CUX1: variants seen among roughly 807,000 people sequenced by gnomAD.
CUX1 encodes the protein cut like homeobox 1.
In CUX1, 31 loss-of-function variants were observed where a neutral mutation model predicts 158.8. That is an observed-to-expected ratio of 0.20 (90% CI 0.15 to 0.26). CUX1 has a LOEUF of 0.26. CUX1 is among the 10% of genes least tolerant of loss of function. The pLI is 1.00. For missense variants in CUX1, 1,589 were observed against 2,014.6 expected, an observed-to-expected ratio of 0.79 and a Z score of 4.04; for synonymous variants, 879 against 862.1, an observed-to-expected ratio of 1.02 and a Z score of -0.34.
At chr7:102,096,892 C>T (rs879966602) in intron 4 of CUX1, among the ~76,000 whole-genome samples, 4 of 152,136 alleles carry the variant, frequency 2.6e-5, no homozygotes, top group Non-Finnish European at 5.9e-5. Context: ...TAAAGTGTCC[C>T]GTGAACTGTG....
At chr7:102,097,530 T>C in intron 5 of CUX1, 29 bp downstream of exon 5, 1 of 1,510,598 alleles carries the variant, frequency 6.6e-7, no homozygotes, top group Non-Finnish European at 8.8e-7. Flanking sequence ...CTTTGCTTTT[T>C]CTTTTCTTCT....
chr7:102,262,639 T>TGGCC (rs1790490705), downstream of CUX1, among the ~76,000 whole-genome samples: 1 of 152,110 alleles, frequency 6.6e-6, no homozygotes, highest in Non-Finnish European at 1.5e-5. Context: ...CTAACACACA[T>TGGCC]GGCCTCTGGG....
chr7:102,006,367 C>T (rs1817378740), intron 2 of CUX1, among the ~76,000 whole-genome samples: 1 of 152,162 alleles, frequency 6.6e-6, no homozygotes, highest in Non-Finnish European at 1.5e-5. Flanking sequence ...GTTTTTATCT[C>T]ATCTCGGTAG....
chr7:102,220,440 A>G (rs1554526521), intron 20 of CUX1, among the ~76,000 whole-genome samples: 1 of 152,204 alleles, frequency 6.6e-6, no homozygotes. Context: ...GGCGTAAACC[A>G]CCAGGGGGTG....
intron 18 of CUX1, among the ~76,000 whole-genome samples, chr7:102,203,635 C>G (rs1209576952): frequency 6.6e-6 from 1 of 152,160 alleles, no homozygotes; most frequent in South Asian, 2.1e-4. Context: ...ACTTGTTTGG[C>G]CCGTGAGTGC....
At chr7:101,870,198 GACCGT>G (rs1798372980) in intron 1 of CUX1, among the ~76,000 whole-genome samples, 1 of 133,680 alleles carries the variant, frequency 7.5e-6, no homozygotes, top group Non-Finnish European at 1.5e-5. Context: ...TTGTCACCCA[GACCGT>G]TGTACAGTGG....
chr7:102,208,074 G>C (rs570373037), intron 20 of CUX1, among the ~76,000 whole-genome samples: 165 of 152,252 alleles, frequency 1.1e-3, no homozygotes, highest in South Asian at 2.3e-3. Flanking sequence ...TGTAGTTCCA[G>C]CTACTTGGGG....
intron 19 of CUX1, chr7:102,280,160 C>A (rs1384047643): frequency 2.1e-6 from 3 of 1,419,900 alleles, no homozygotes; most frequent in Non-Finnish European, 2.0e-6. Context: ...GGAGGGGCAT[C>A]AGCCCAGGGA....
At chr7:102,029,013 G>A (rs1316657651) in intron 3 of CUX1, among the ~76,000 whole-genome samples, 2 of 122,632 alleles carry the variant, frequency 1.6e-5, no homozygotes, top group South Asian at 2.8e-4. Flanking sequence ...TTTTTTTGGC[G>A]ACAGAGTCTT....
intron 1 of CUX1, among the ~76,000 whole-genome samples, chr7:101,844,459 A>G (rs941668289): frequency 2.6e-5 from 4 of 152,124 alleles, no homozygotes; most frequent in Non-Finnish European, 5.9e-5. Flanking sequence ...TTTTTCTTCA[A>G]CACCCAGATT....
intron 3 of CUX1, among the ~76,000 whole-genome samples, chr7:102,058,897 T>C (rs1398771525): frequency 1.3e-5 from 2 of 152,192 alleles, no homozygotes; most frequent in Non-Finnish European, 2.9e-5. Flanking sequence ...TAGGCTGGAA[T>C]AGAACATAGC....
chr7:101,991,735 G>A (rs925212830), intron 2 of CUX1, among the ~76,000 whole-genome samples: 4 of 150,146 alleles, frequency 2.7e-5, no homozygotes, highest in African/African-American at 9.8e-5. Flanking sequence ...CTTCAGCCTG[G>A]GGAACAGAGT....
At chr7:102,211,145 A>G (rs1194475918) in intron 20 of CUX1, among the ~76,000 whole-genome samples, 1 of 152,268 alleles carries the variant, frequency 6.6e-6, no homozygotes, top group Middle Eastern at 3.4e-3. Flanking sequence ...ATTCCACAGC[A>G]CTGTCTAAAG....
At chr7:102,277,121 G>C (rs1328599036) in intron 17 of CUX1, among the ~76,000 whole-genome samples, 1 of 151,324 alleles carries the variant, frequency 6.6e-6, no homozygotes, top group Non-Finnish European at 1.5e-5. Flanking sequence ...GCAACGCAGT[G>C]AGACCCCGAC....
intron 1 of CUX1, among the ~76,000 whole-genome samples, chr7:101,902,311 A>G (rs993710407): frequency 6.6e-6 from 1 of 152,072 alleles, no homozygotes; most frequent in African/African-American, 2.4e-5. Context: ...CTCCCTTGCA[A>G]TGGTTAATAG....
intron 2 of CUX1, among the ~76,000 whole-genome samples, chr7:101,990,218 T>A (rs1049083962): frequency 1.3e-5 from 2 of 151,872 alleles, no homozygotes; most frequent in Non-Finnish European, 2.9e-5. Flanking sequence ...AGGTTTAAAT[T>A]AGCTGGGCGT....
intron 13 of CUX1, 72 bp from the exon 14 acceptor site, chr7:102,195,435 T>C: frequency 7.8e-7 from 1 of 1,274,590 alleles, no homozygotes; most frequent in Non-Finnish European, 1.1e-6. Flanking sequence ...GAGGCAGGGC[T>C]CCAGGCCTGG....
At chr7:102,273,629 T>A (rs868969572) in intron 15 of CUX1, 1 of 1,129,044 alleles carries the variant, frequency 8.9e-7, no homozygotes, top group Non-Finnish European at 1.2e-6. Flanking sequence ...CCTAAAACCA[T>A]TGGGTTCTCC....
chr7:102,229,472 CAG>C lies in CUX1; in HGVS notation c.3433+1804_3433+1805del, dbSNP rs776094796. 5.0e-4 allele frequency among the ~76,000 whole-genome samples: 75 copies of C among 150,402 alleles called. 1 individual carries two copies. The highest frequency in any genetic ancestry group is 9.3e-4 in the Non-Finnish European group (63 of 67,634). ...GATTACAGGCATCCGCCACCGTGCCCAGCTAATTTTTGTATTTTTAGTAGAGA... is the reference window on the plus strand; with the variant it reads ...GATTACAGGCATCCGCCACCGTGCCCCTAATTTTTGTATTTTTAGTAGAGA... On this transcript the variant is annotated intron_variant, in intron 21 of 23. Coordinates refer to ENST00000292535, the MANE Select transcript of CUX1 (RefSeq NM_181552.4).
Sources: allele counts gnomAD v4.1 joint callset (sites outside exome capture counted in the v4.1 genomes callset), GRCh38; gene constraint gnomAD v4.1.1; transcripts MANE v1.5; gene names NCBI Gene and HGNC (gene_info 2026-07-23, HGNC 2026-07-21).